The following CNTN5 variants were observed in gnomAD, a reference collection of about 807,000 sequenced individuals.
CNTN5 encodes contactin-5.
CNTN5 carries 77 observed loss-of-function variants against 129.1 expected under a neutral mutation model. The ratio of observed to expected loss-of-function variants is 0.60; its 90% CI spans 0.50 to 0.72. The LOEUF is 0.72. Among genes scored for constraint, CNTN5 ranks in the 30% least tolerant of loss-of-function variants. The pLI is 0.00. For synonymous variants in CNTN5, 509 were observed against 465.6 expected, an observed-to-expected ratio of 1.09 and a Z score of -1.20; for missense variants, 1,478 against 1,328.8, an observed-to-expected ratio of 1.11 and a Z score of -1.75.
intron 1 of CNTN5, among the ~76,000 whole-genome samples, chr11:99,190,652 G>A (rs1027458264): frequency 1.3e-5 from 2 of 151,374 alleles, no homozygotes; most frequent in Non-Finnish European, 3.0e-5. Flanking sequence ...GGTTAGTATT[G>A]TAAATGGGAT....
intron 13 of CNTN5, among the ~76,000 whole-genome samples, chr11:100,171,790 C>G (rs17094472): frequency 6.6e-6 from 1 of 151,338 alleles, no homozygotes; most frequent in African/African-American, 2.4e-5. Flanking sequence ...CAGGGGAAAA[C>G]GAAGGAATGT....
rs181614065 is a variant in CNTN5, at chr11:100,338,635, G to T, written c.2731-1828G>T. Reference sequence around the variant, plus strand: ...AGTGACCCCATTTACTCGGCCTGCCGCATTCAAGCCTTTGTGGGAGGGAGC... The same window carrying T: ...AGTGACCCCATTTACTCGGCCTGCCTCATTCAAGCCTTTGTGGGAGGGAGC... On this transcript the variant is annotated intron_variant, in intron 21 of 24. Coordinates refer to ENST00000524871, the MANE Select transcript of CNTN5 (RefSeq NM_014361.4). Among the ~76,000 whole-genome samples the T allele has an allele frequency of 2.9e-3, 449 of 152,276 alleles. 8 individuals carry two copies. The highest frequency in any genetic ancestry group is 0.026 in the Admixed American group (397 of 15,292).
At chr11:100,266,536 C>T (rs943429206) in intron 17 of CNTN5, among the ~76,000 whole-genome samples, 2 of 151,480 alleles carry the variant, frequency 1.3e-5, no homozygotes, top group Admixed American at 6.6e-5. Flanking sequence ...TTTCATATTG[C>T]ATTATATTTC....
intron 2 of CNTN5, among the ~76,000 whole-genome samples, chr11:99,380,119 T>C (rs1504709): frequency 0.053 from 7,953 of 150,924 alleles, 430 homozygotes; most frequent in East Asian, 0.2. Flanking sequence ...GGTGTGTGTG[T>C]GTTAAATAAA....
At chr11:99,222,857 A>C (rs1860466925) in intron 1 of CNTN5, among the ~76,000 whole-genome samples, 1 of 152,100 alleles carries the variant, frequency 6.6e-6, no homozygotes, top group Non-Finnish European at 1.5e-5. Flanking sequence ...GATTGATTTA[A>C]GTGTTCTTTA....
At chr11:99,101,005 T>C (rs1866706120) in intron 1 of CNTN5, among the ~76,000 whole-genome samples, 1 of 152,126 alleles carries the variant, frequency 6.6e-6, no homozygotes. Flanking sequence ...GGGTAATTTA[T>C]AAAGAAAAAG....
chr11:99,432,464 C>CTTTTCTTTCCTTTTCTTTTCTTTTCTTGT (rs1555143589), intron 2 of CNTN5, among the ~76,000 whole-genome samples: 12 of 116,420 alleles, frequency 1.0e-4, no homozygotes, highest in African/African-American at 3.5e-4. Context: ...TCTTTTCTTT[C>CTTTTCTTTCCTTTTCTTTTCTTTTCTTGT]CTTTTCTTTT....
At chr11:99,033,118 T>C (rs1863488836) in intron 1 of CNTN5, among the ~76,000 whole-genome samples, 1 of 150,574 alleles carries the variant, frequency 6.6e-6, no homozygotes, top group African/African-American at 2.5e-5. Flanking sequence ...TTCTGTTCCA[T>C]TGATCTATAT....
chr11:99,496,724 G>C (rs1400264713), intron 2 of CNTN5, among the ~76,000 whole-genome samples: 2 of 152,170 alleles, frequency 1.3e-5, no homozygotes, highest in East Asian at 3.9e-4. Flanking sequence ...AAGATGCATA[G>C]CAATCTCTGT....
At chr11:99,112,002 C>T (rs933040117) in intron 1 of CNTN5, among the ~76,000 whole-genome samples, 6 of 151,988 alleles carry the variant, frequency 3.9e-5, no homozygotes, top group Non-Finnish European at 7.4e-5. Context: ...TTGCATAACT[C>T]AACTTCTCCC....
At chr11:99,648,383 G>A (rs1233744643) in intron 3 of CNTN5, among the ~76,000 whole-genome samples, 1 of 151,506 alleles carries the variant, frequency 6.6e-6, no homozygotes, top group Non-Finnish European at 1.5e-5. Context: ...TCTCACCCAA[G>A]TTACAATGAC....
At chr11:99,874,290 T>G (rs1948579058) in intron 6 of CNTN5, among the ~76,000 whole-genome samples, 1 of 152,194 alleles carries the variant, frequency 6.6e-6, no homozygotes, top group African/African-American at 2.4e-5. Flanking sequence ...ACTCATCTGT[T>G]GAAAACTTAA....
rs111719211 is a variant in CNTN5 at position 99,476,081 on chromosome 11, T to C, written c.-70-80064T>C. Among the ~76,000 whole-genome samples the C allele has an allele frequency of 8.8e-3, 1,335 of 151,934 alleles. 19 individuals carry two copies. Among genetic ancestry groups the C allele is most frequent in the African/African-American group, 0.03 (1,234 of 41,450 alleles). Reference sequence around the variant, plus strand: ...ATTCTCTTGCTCTCTTTCTCTTTTTTCCCCCAAAGAAAGGATGGAATTGAG... The same window carrying C: ...ATTCTCTTGCTCTCTTTCTCTTTTTCCCCCCAAAGAAAGGATGGAATTGAG... On this transcript the variant is annotated intron_variant, in intron 2 of 24. Coordinates refer to ENST00000524871, the MANE Select transcript of CNTN5 (RefSeq NM_014361.4).
intron 2 of CNTN5, among the ~76,000 whole-genome samples, chr11:99,526,921 C>A (rs573507692): frequency 6.6e-6 from 1 of 152,066 alleles, no homozygotes; most frequent in Non-Finnish European, 1.5e-5. Context: ...AGAGAGAAAC[C>A]TTTACACCAT....
At chr11:99,979,721 G>C (rs1430812850) in intron 8 of CNTN5, among the ~76,000 whole-genome samples, 2 of 152,130 alleles carry the variant, frequency 1.3e-5, no homozygotes, top group African/African-American at 4.8e-5. Context: ...TGTATTTTGT[G>C]TGTTAAATAG....
intron 3 of CNTN5, among the ~76,000 whole-genome samples, chr11:99,629,213 A>T (rs1222527039): frequency 6.6e-6 from 1 of 152,070 alleles, no homozygotes; most frequent in African/African-American, 2.4e-5. Context: ...CCACAAAATT[A>T]TTATATAAAA....
chr11:100,224,910 A>G, intron 16 of CNTN5, 98 bp downstream of exon 16: 1 of 1,143,234 alleles, frequency 8.7e-7, no homozygotes, highest in Non-Finnish European at 1.2e-6. Flanking sequence ...AGTACTGTGC[A>G]TTTTACTTTC....
At chr11:99,447,244 C>G (rs1344513222) in intron 2 of CNTN5, among the ~76,000 whole-genome samples, 1 of 152,128 alleles carries the variant, frequency 6.6e-6, no homozygotes, top group East Asian at 1.9e-4. Context: ...TAAAAATATG[C>G]TGCTGTTTAG....
intron 4 of CNTN5, among the ~76,000 whole-genome samples, chr11:99,827,311 G>A (rs746188801): frequency 2.0e-5 from 3 of 152,056 alleles, no homozygotes; most frequent in Admixed American, 6.6e-5. Context: ...CTGGTCTCGA[G>A]CTCCTGAGCT....
Sources: gnomAD v4.1 joint callset for allele counts (sites outside exome capture counted in the v4.1 genomes callset) on GRCh38, gnomAD v4.1.1 for gene constraint, MANE v1.5 for transcripts, NCBI Gene and HGNC (gene_info 2026-07-23, HGNC 2026-07-21) for gene names.